Variants in EDEM3 observed in about 807,000 individuals in gnomAD.
EDEM3 encodes the protein ER degradation enhancing alpha-mannosidase like protein 3, also known as ER degradation-enhancing alpha-mannosidase-like protein 3.
In EDEM3, 60 loss-of-function variants were observed where a neutral mutation model predicts 110.2. That is an observed-to-expected ratio of 0.54 (90% CI 0.44 to 0.67). The LOEUF (loss-of-function observed/expected upper bound fraction) is 0.67, where lower values mean the gene tolerates loss of function less well. Among genes scored for constraint, EDEM3 ranks in the 30% least tolerant of loss-of-function variants. EDEM3 has a pLI of 0.00. For missense variants in EDEM3, 996 were observed against 1,121.0 expected (o/e 0.89, Z 1.59); for synonymous variants, 352 against 382.9 (o/e 0.92, Z 0.94).
At chr1:184,731,547 T>C in intron 6 of EDEM3, among the ~76,000 whole-genome samples, 1 of 152,232 alleles carries the variant, frequency 6.6e-6, no homozygotes, top group East Asian at 1.9e-4. Flanking sequence ...TTCACGGTTC[T>C]CCTCTTAAAT....
chr1:184,753,560 C>T (rs1393216566), intron 1 of EDEM3, among the ~76,000 whole-genome samples: 3 of 152,036 alleles, frequency 2.0e-5, no homozygotes, highest in Non-Finnish European at 4.4e-5. Flanking sequence ...GTAGATACTA[C>T]CAATAAGTTA....
In EDEM3 at chr1:184,717,623, C is replaced by T; in HGVS notation, c.1162G>A (p.Ala388Thr). Residue 388 changes from alanine to threonine, a missense_variant and splice_region_variant, in exon 12 of 20, where the codon GCA becomes ACA. By Grantham distance (58) the Ala-to-Thr change is moderately conservative. Coordinates refer to ENST00000318130, the MANE Select transcript of EDEM3 (RefSeq NM_025191.4). ...VIKKHNFLPE[A>T]FTTDFRVHWA... ...TGTACTCTGAAATCTGTGGTAAATG[C>T]CTGAACAAAACAACATACAAAAGGC... The T allele has an allele frequency of 6.3e-7, 1 of 1,594,376 alleles. No homozygotes were observed. The highest frequency in any genetic ancestry group is 1.8e-5 in the Admixed American group (1 of 56,202).
At chr1:184,750,964 T>C (rs531658622) in intron 1 of EDEM3, among the ~76,000 whole-genome samples, 126 of 152,164 alleles carry the variant, frequency 8.3e-4, no homozygotes, top group African/African-American at 3.0e-3. Context: ...ATACTGGTAA[T>C]AATAGAGCTA....
intron 1 of EDEM3, 22 bp downstream of exon 1, chr1:184,754,467 C>G (rs1444802805): frequency 6.2e-7 from 1 of 1,613,060 alleles, no homozygotes; most frequent in Admixed American, 1.7e-5. Context: ...AGAAACCCAC[C>G]CCAGGCTGCC....
At position 184,691,959 on chromosome 1, in the gene EDEM3, A is replaced by G. The variant is rs945796293; in HGVS notation, c.*2104T>C. The G allele has an allele frequency of 4.1e-4, 62 of 152,248 alleles. No individual in the cohort carries two copies. The highest frequency in any genetic ancestry group is 1.4e-3 in the African/African-American group (60 of 41,556). The allele number at this position is 152,248 out of a possible 1,614,324, so 9.4% of individuals were successfully genotyped here. A position where few individuals can be genotyped will look rare whatever the true frequency, so the allele number is the denominator to read the frequency against. On this transcript the variant is annotated 3_prime_UTR_variant, in exon 20 of 20. Transcript: ENST00000318130. Reference sequence around the variant, plus strand: ...AGTAAGCTGGCTTTTCCAATGTGTCACACAATCCTTCATGCCATTAAGTTC... The same window carrying G: ...AGTAAGCTGGCTTTTCCAATGTGTCGCACAATCCTTCATGCCATTAAGTTC...
chr1:184,716,736 T>C (rs1439818364), intron 13 of EDEM3, 152 bp downstream of exon 13: 2 of 1,006,084 alleles, frequency 2.0e-6, no homozygotes, highest in Non-Finnish European at 2.8e-6. Context: ...TTAAAATTAG[T>C]GTATTCAACA....
intron 5 of EDEM3, among the ~76,000 whole-genome samples, chr1:184,733,871 G>A (rs1220168859): frequency 6.6e-6 from 1 of 150,772 alleles, no homozygotes; most frequent in East Asian, 1.9e-4. Context: ...ACTGTTTGTT[G>A]AGAGGTAATC....
At chr1:184,724,268 G>T (rs1036223986) in intron 7 of EDEM3, among the ~76,000 whole-genome samples, 5 of 151,934 alleles carry the variant, frequency 3.3e-5, no homozygotes, top group Admixed American at 2.6e-4. Flanking sequence ...AATCTCCCTA[G>T]ATACTCTTAT....
intron 8 of EDEM3, 136 bp downstream of exon 8, chr1:184,723,611 AAATT>A: frequency 1.4e-6 from 1 of 703,718 alleles, no homozygotes; most frequent in Non-Finnish European, 2.3e-6. Context: ...AAATCTGGCT[AAATT>A]AATTAAAATT....
intron 18 of EDEM3, 26 bp downstream of exon 18, chr1:184,706,617 A>G (rs760935472): frequency 2.6e-6 from 4 of 1,556,354 alleles, no homozygotes; most frequent in Non-Finnish European, 3.5e-6. Context: ...CCTTCAGTCA[A>G]CACAATGACA....
At chr1:184,710,252 C>A in intron 16 of EDEM3, 142 bp downstream of exon 16, 1 of 976,110 alleles carries the variant, frequency 1.0e-6, no homozygotes, top group Non-Finnish European at 1.4e-6. Context: ...AAGATACTTC[C>A]AAGTCCTAAA....
intron 16 of EDEM3, among the ~76,000 whole-genome samples, chr1:184,710,143 T>G (rs1038660522): frequency 6.6e-6 from 1 of 152,126 alleles, no homozygotes; most frequent in African/African-American, 2.4e-5. Flanking sequence ...TAGATTTGAG[T>G]CCTGCATTTG....
chr1:184,696,704 A>G (rs1649349907), intron 19 of EDEM3, among the ~76,000 whole-genome samples: 1 of 152,030 alleles, frequency 6.6e-6, no homozygotes, highest in Admixed American at 6.6e-5. Context: ...GACCAAAGAA[A>G]GAAGGTAGCT....
rs1650248108 is a variant in EDEM3 at position 184,711,760 on chromosome 1, C to T, written c.1654G>A (p.Val552Met). Residue 552 changes from valine to methionine, a missense_variant, in exon 15 of 20, where the codon GTG becomes ATG. By Grantham distance (21) the Val-to-Met change is conservative. Coordinates refer to ENST00000318130, the MANE Select transcript of EDEM3 (RefSeq NM_025191.4). The stretch of plus-strand genomic sequence containing the variant: ...CCTCTAGGACAGCTCTTATCCACCA[C>T]ATTTTTCAAGGGCTCACGAATACTT... ...AQSIREPLKNVVDKSCPRGII... is the reference protein window; with the variant it reads ...AQSIREPLKNMVDKSCPRGII... The T allele has an allele frequency of 1.2e-6, 2 of 1,612,978 alleles. No individual in the cohort carries two copies. The highest frequency in any genetic ancestry group is 2.7e-5 in the African/African-American group (2 of 74,890).
Position 184,727,434 on chromosome 1 carries a change from T to C in EDEM3, c.613-1045A>G, listed in dbSNP as rs145848215. Among the ~76,000 whole-genome samples, 165 of 152,170 alleles carry C rather than the reference T, an allele frequency of 1.1e-3. 1 individual carries two copies. The highest frequency in any genetic ancestry group is 3.9e-3 in the African/African-American group (162 of 41,528). Reference sequence around the variant, plus strand: ...ACAAATAAACAAAAAAAATCAAACATAAAACACATAAAACATCACGGGTAT... The same window carrying C: ...ACAAATAAACAAAAAAAATCAAACACAAAACACATAAAACATCACGGGTAT... On this transcript the variant is annotated intron_variant, in intron 6 of 19. Coordinates refer to ENST00000318130, the MANE Select transcript of EDEM3 (RefSeq NM_025191.4).
In EDEM3 at chr1:184,710,551, C is replaced by A. The variant is rs930572223; in HGVS notation, c.1692-4G>T. 1.3e-6 allele frequency: 2 copies of A among 1,598,126 alleles called. No homozygotes were observed. Among genetic ancestry groups the A allele is most frequent in the East Asian group, 2.3e-5 (1 of 44,430 alleles). ...TCCACTCCTGAAACTCTCCTCTCTG[C>A]TAAAAGTAATTACAGGCAAGGCTTA... On this transcript the variant is annotated splice_polypyrimidine_tract_variant and splice_region_variant and intron_variant, in intron 15 of 19. Coordinates refer to ENST00000318130, the MANE Select transcript of EDEM3 (RefSeq NM_025191.4).
rs76157330 is a variant in EDEM3 at position 184,731,553 on chromosome 1, T to C, written c.612+1284A>G. Among the ~76,000 whole-genome samples, 434 of 152,320 alleles carry C rather than the reference T, an allele frequency of 2.8e-3. 5 individuals are homozygous for C. The East Asian group carries it at 0.036, about 13-fold the overall frequency. On this transcript the variant is annotated intron_variant, in intron 6 of 19. Transcript: ENST00000318130. ...CTACACTACTTCACGGTTCTCCTCTTAAATCTCTGTGTACTTTACTTTCCA... is the reference window on the plus strand; with the variant it reads ...CTACACTACTTCACGGTTCTCCTCTCAAATCTCTGTGTACTTTACTTTCCA...
At chr1:184,744,420 C>G (rs1652316082) in intron 2 of EDEM3, among the ~76,000 whole-genome samples, 1 of 151,206 alleles carries the variant, frequency 6.6e-6, no homozygotes, top group South Asian at 2.1e-4. Flanking sequence ...ACTGGAAATA[C>G]CAAGTGGAAG....
chr1:184,695,696 A>G (rs1649295359), intron 19 of EDEM3, among the ~76,000 whole-genome samples: 1 of 152,014 alleles, frequency 6.6e-6, no homozygotes, highest in Non-Finnish European at 1.5e-5. Flanking sequence ...ACCCACAGAT[A>G]CAGAGGGAGA....
Sources: allele counts gnomAD v4.1 joint callset (sites outside exome capture counted in the v4.1 genomes callset), GRCh38; gene constraint gnomAD v4.1.1; transcripts MANE v1.5; gene names NCBI Gene and HGNC (gene_info 2026-07-23, HGNC 2026-07-21).